The following AGPAT4 variants were observed in gnomAD, a reference collection of about 807,000 sequenced individuals.
The protein encoded by AGPAT4 is 1-acylglycerol-3-phosphate O-acyltransferase 4, also known as 1-acyl-sn-glycerol-3-phosphate acyltransferase delta.
In AGPAT4, 15 loss-of-function variants were observed where a neutral mutation model predicts 48.0. The observed-to-expected ratio is 0.31, with a 90% CI of 0.21 to 0.48. The LOEUF is 0.48. Ranked by LOEUF, AGPAT4 falls within the 20% of genes least tolerant of loss-of-function variation. AGPAT4 has a pLI of 0.99. For synonymous variants in AGPAT4, 178 were observed against 198.7 expected, an observed-to-expected ratio of 0.90 and a Z score of 0.88; for missense variants, 314 against 482.5, an observed-to-expected ratio of 0.65 and a Z score of 3.27.
At chr6:161,273,796 C>CG (rs1445163003) in intron 1 of AGPAT4, 142 bp downstream of exon 1, 1 of 146,562 alleles carries the variant, frequency 6.8e-6, no homozygotes, top group East Asian at 2.1e-4. Context: ...CCTTGCACTC[C>CG]CCCCCCGCCC....
intron 1 of AGPAT4, among the ~76,000 whole-genome samples, chr6:161,247,175 G>GAACACAGA (rs1176937120): frequency 6.6e-6 from 1 of 152,218 alleles, no homozygotes; most frequent in Non-Finnish European, 1.5e-5. Flanking sequence ...GTCGGTTGAG[G>GAACACAGA]AACACAGAGG....
rs1351409624 is a variant in AGPAT4, at chr6:161,198,300, G to C, written c.179-31883C>G. ...ATGCTTTGGCAAGTGGCTCTCAGTT[G>C]AGAGTGATTTCACAATCCCCTCTCC... On this transcript the variant is annotated intron_variant, in intron 2 of 8. Coordinates refer to ENST00000320285, the MANE Select transcript of AGPAT4 (RefSeq NM_020133.3). This position sits in a 1 kb window ranked among gnomAD's most constrained non-coding sequence, Gnocchi z 4.3. Among the ~76,000 whole-genome samples the C allele has an allele frequency of 6.6e-6, 1 of 152,220 alleles. No homozygotes were observed. The highest frequency in any genetic ancestry group is 1.9e-4 in the East Asian group (1 of 5,198).
rs1346982946 is a variant in AGPAT4, at chr6:161,138,299, G to T, written c.1042+1123C>A. Among the ~76,000 whole-genome samples, 1 of 152,136 alleles carries T rather than the reference G, an allele frequency of 6.6e-6. No individual in the cohort carries two copies. The highest frequency in any genetic ancestry group is 1.9e-4 in the East Asian group (1 of 5,190). On this transcript the variant is annotated intron_variant, in intron 8 of 8. Transcript: ENST00000320285. The surrounding 1 kb of genome is among the most constrained non-coding windows in gnomAD (Gnocchi z 4.8). ...AATCTTTCAAAAGACTGTATAGTAG[G>T]GTCTATTTGAGGAACAGGAGCCAGC...
chr6:161,264,330 C>T lies in AGPAT4; in HGVS notation c.-90+9608G>A, dbSNP rs1041527840. Among the ~76,000 whole-genome samples, 7 of 152,148 alleles carry T rather than the reference C, an allele frequency of 4.6e-5. No homozygotes were observed. The highest frequency in any genetic ancestry group is 1.3e-4 in the Admixed American group (2 of 15,278). On this transcript the variant is annotated intron_variant, in intron 1 of 8. Coordinates refer to ENST00000320285, the MANE Select transcript of AGPAT4 (RefSeq NM_020133.3). This position sits in a 1 kb window ranked among gnomAD's most constrained non-coding sequence, Gnocchi z 6.8. ...CTCAGCCTCTCTCTGCTTCCTGCCA[C>T]GCCAGCCCACCTCATTCCTCTGTGG...
chr6:161,258,367 T>C (rs1308287688), intron 1 of AGPAT4, among the ~76,000 whole-genome samples: 1 of 152,222 alleles, frequency 6.6e-6, no homozygotes, highest in Non-Finnish European at 1.5e-5. Flanking sequence ...TCCAAATACC[T>C]GAGAGTATCC....
chr6:161,153,233 T>C, intron 5 of AGPAT4, 113 bp downstream of exon 5: 2 of 1,400,784 alleles, frequency 1.4e-6, no homozygotes, highest in Non-Finnish European at 1.9e-6. Context: ...TCTGAGCTCC[T>C]AGCCTCAAGT....
At chr6:161,168,617 T>C (rs1024569348) in intron 2 of AGPAT4, among the ~76,000 whole-genome samples, 1 of 152,094 alleles carries the variant, frequency 6.6e-6, no homozygotes, top group Non-Finnish European at 1.5e-5. Flanking sequence ...ATGGATGCTT[T>C]CAACAAATGC....
At chr6:161,241,263 C>CAAAAAAAAAAAAAAAAAAAAAAAAAAA (rs61634719) in intron 1 of AGPAT4, among the ~76,000 whole-genome samples, 1 of 90,502 alleles carries the variant, frequency 1.1e-5, no homozygotes. Flanking sequence ...AACTCTGTCT[C>CAAAAAAAAAAAAAAAAAAAAAAAAAAA]AAAAAAAAAA....
rs532031527 is a variant in AGPAT4, at chr6:161,192,781, T to C, written c.179-26364A>G. Reference sequence around the variant, plus strand: ...TCTTGGAAGTTATTTTTGCTAAGTGTAGAGTTCTAGACTAGAACTTCTTTT... The same window carrying C: ...TCTTGGAAGTTATTTTTGCTAAGTGCAGAGTTCTAGACTAGAACTTCTTTT... On this transcript the variant is annotated intron_variant, in intron 2 of 8. Transcript: ENST00000320285. Among the ~76,000 whole-genome samples, 10 of 152,356 alleles carry C rather than the reference T, an allele frequency of 6.6e-5. No homozygotes were observed. The South Asian group carries it at 2.1e-3, about 32-fold the overall frequency.
rs1779181225 is a variant in AGPAT4, at chr6:161,139,513, C to A, written c.951G>T (p.Leu317=). The change falls in exon 8 of 9, where the codon CTG becomes CTT. Residue 317 remains leucine, a synonymous_variant. Transcript: ENST00000320285. This position sits in a 1 kb window ranked among gnomAD's most constrained non-coding sequence, Gnocchi z 9.1. ...TLVNWLFWAS[L]VLYPFFQFLV... ...GGAACTGGAAGAAAGGGTAGAGCAC[C>A]AGCGAGGCCCAAAACAGCCAGTTCA... is the stretch of plus-strand genomic sequence containing the variant. The A allele has an allele frequency of 6.2e-7, 1 of 1,614,058 alleles. No individual in the cohort carries two copies. Among genetic ancestry groups the A allele is most frequent in the East Asian group, 2.2e-5 (1 of 44,858 alleles).
rs1296823943 is a variant in AGPAT4, at chr6:161,171,431, A to T, written c.179-5014T>A. 2.6e-5 allele frequency among the ~76,000 whole-genome samples: 4 copies of T among 152,226 alleles called. No homozygotes were observed. Among genetic ancestry groups the T allele is most frequent in the African/African-American group, 9.6e-5 (4 of 41,456 alleles). On this transcript the variant is annotated intron_variant, in intron 2 of 8. Coordinates refer to ENST00000320285, the MANE Select transcript of AGPAT4 (RefSeq NM_020133.3). This position sits in a 1 kb window ranked among gnomAD's most constrained non-coding sequence, Gnocchi z 4.4. ...AGGGGAAGGCAGAAGGCAGAAGGGC[A>T]AGCAAGCATGTACTCAAGTGAGAGA... is the stretch of plus-strand genomic sequence containing the variant.
intron 1 of AGPAT4, among the ~76,000 whole-genome samples, chr6:161,253,658 C>A (rs1782865840): frequency 6.6e-6 from 1 of 151,716 alleles, no homozygotes; most frequent in African/African-American, 2.4e-5. Flanking sequence ...TATTGCACCC[C>A]CCAAGATTGA....
At chr6:161,265,405 T>C (rs1202981704) in intron 1 of AGPAT4, among the ~76,000 whole-genome samples, 2 of 145,448 alleles carry the variant, frequency 1.4e-5, no homozygotes, top group East Asian at 2.1e-4. Flanking sequence ...GGGTGCTGGA[T>C]TAGTACCCAC....
rs1485737436 is a variant in AGPAT4 at position 161,201,153 on chromosome 6, G to A, written c.178+30883C>T. Among the ~76,000 whole-genome samples the A allele has an allele frequency of 6.6e-6, 1 of 152,184 alleles. No homozygotes were observed. Among genetic ancestry groups the A allele is most frequent in the Admixed American group, 6.5e-5 (1 of 15,278 alleles). On this transcript the variant is annotated intron_variant, in intron 2 of 8. Coordinates refer to ENST00000320285, the MANE Select transcript of AGPAT4 (RefSeq NM_020133.3). This position sits in a 1 kb window ranked among gnomAD's most constrained non-coding sequence, Gnocchi z 6.0. ...GTTCCTCTGCAATATTGATCCTCCA[G>A]GTCCTTTCTGGAGAAAATGAGCTGG... is the stretch of plus-strand genomic sequence containing the variant.
At chr6:161,172,745 C>T (rs1223773055) in intron 2 of AGPAT4, among the ~76,000 whole-genome samples, 5 of 152,066 alleles carry the variant, frequency 3.3e-5, no homozygotes, top group East Asian at 1.9e-4. Flanking sequence ...CTGCACCCAT[C>T]AACTAGTCAT....
Position 161,153,398 on chromosome 6 carries a change from C to A in AGPAT4, c.612G>T (p.Leu204=), listed in dbSNP as rs146708854. The A allele has an allele frequency of 6.2e-7, 1 of 1,611,252 alleles. No homozygotes were observed. Among genetic ancestry groups the A allele is most frequent in the African/African-American group, 1.3e-5 (1 of 74,918 alleles). ...AKGLPRLKHH[L]LPRTKGFAIT... ...TGGCGAAGCCCTTGGTTCGTGGCAA[C>A]AGGTGATGCTTGAGGCGAGGCAGCC... Residue 204 remains leucine, a synonymous_variant, in exon 5 of 9, where the codon CTG becomes CTT. Transcript: ENST00000320285.
At position 161,262,979 on chromosome 6, in the gene AGPAT4, G is replaced by A. The variant is rs980025504; in HGVS notation, c.-90+10959C>T. 4.6e-5 allele frequency among the ~76,000 whole-genome samples: 7 copies of A among 152,126 alleles called. No homozygotes were observed. The South Asian group carries it at 8.3e-4, about 18-fold the overall frequency. On this transcript the variant is annotated intron_variant, in intron 1 of 8. Transcript: ENST00000320285. This position sits in a 1 kb window ranked among gnomAD's most constrained non-coding sequence, Gnocchi z 4.9. Reference sequence around the variant, plus strand: ...CTGGGCTATTCCAGAGAAAGCGAGGGAAGGCCCACCAAGGCGAGTGACCAG... The same window carrying A: ...CTGGGCTATTCCAGAGAAAGCGAGGAAAGGCCCACCAAGGCGAGTGACCAG...
At position 161,236,113 on chromosome 6, in the gene AGPAT4, C is replaced by T. The variant is rs1189442996; in HGVS notation, c.-89-3811G>A. On this transcript the variant is annotated intron_variant, in intron 1 of 8. Coordinates refer to ENST00000320285, the MANE Select transcript of AGPAT4 (RefSeq NM_020133.3). The surrounding 1 kb of genome is among the most constrained non-coding windows in gnomAD (Gnocchi z 5.0). ...AGCTTTGCAAGTACCTAGAATGTGA[C>T]GGAAAGAGTCTTTCCAGCAAATCCA... 3.3e-5 allele frequency among the ~76,000 whole-genome samples: 5 copies of T among 152,110 alleles called. No individual in the cohort carries two copies. The highest frequency in any genetic ancestry group is 6.6e-5 in the Admixed American group (1 of 15,264).
Position 161,208,835 on chromosome 6 carries a change from G to A in AGPAT4, c.178+23201C>T, listed in dbSNP as rs763158069. Among the ~76,000 whole-genome samples, 4 of 152,248 alleles carry A rather than the reference G, an allele frequency of 2.6e-5. No homozygotes were observed. Among genetic ancestry groups the A allele is most frequent in the East Asian group, 1.9e-4 (1 of 5,178 alleles). On this transcript the variant is annotated intron_variant, in intron 2 of 8. Coordinates refer to ENST00000320285, the MANE Select transcript of AGPAT4 (RefSeq NM_020133.3). The surrounding 1 kb of genome is among the most constrained non-coding windows in gnomAD (Gnocchi z 4.6). ...TTCATAATTTGTAACAATTCAAGCC[G>A]AAGGCCAGGATGAAATGCACAGCTG...
Sources: gnomAD v4.1 joint callset for allele counts (sites outside exome capture counted in the v4.1 genomes callset) on GRCh38, gnomAD v4.1.1 for gene constraint, Gnocchi (gnomAD v3.1) non-coding constraint, MANE v1.5 for transcripts, NCBI Gene and HGNC (gene_info 2026-07-23, HGNC 2026-07-21) for gene names.